GRIK4: variants seen among roughly 807,000 people sequenced by gnomAD.
GRIK4 encodes glutamate receptor ionotropic, kainate 4.
A neutral mutation model predicts 104.9 loss-of-function variants in GRIK4; 40 were observed. The observed-to-expected ratio is 0.38, with a 90% CI of 0.30 to 0.50. GRIK4 has a LOEUF of 0.50. Among genes scored for constraint, GRIK4 ranks in the 20% least tolerant of loss-of-function variants. The pLI, the probability that GRIK4 is intolerant of heterozygous loss-of-function variation, is 0.93. For synonymous variants in GRIK4, 485 were observed against 524.9 expected, an observed-to-expected ratio of 0.92 and a Z score of 1.04; for missense variants, 1,047 against 1,308.1, an observed-to-expected ratio of 0.80 and a Z score of 3.08.
chr11:120,986,307 A>C lies in GRIK4; in HGVS notation c.*47A>C, dbSNP rs1236917357. The C allele has an allele frequency of 7.5e-6, 4 of 536,700 alleles. No individual in the cohort carries two copies. Among genetic ancestry groups the C allele is most frequent in the Admixed American group, 4.6e-5 (1 of 21,716 alleles). 33.2% of individuals were successfully genotyped at this position (536,700 alleles called of 1,614,324 possible). On this transcript the variant is annotated 3_prime_UTR_variant, in exon 21 of 21. Transcript: ENST00000527524. Reference sequence around the variant, plus strand: ...CAGAGGCCGGGCGGGGCGGGAGGGGAGGGGCGGGGCGGGCGCTGCTGTCAG... The same window carrying C: ...CAGAGGCCGGGCGGGGCGGGAGGGGCGGGGCGGGGCGGGCGCTGCTGTCAG...
intron 8 of GRIK4, among the ~76,000 whole-genome samples, chr11:120,848,009 G>A (rs1953891036): frequency 6.6e-6 from 1 of 152,202 alleles, no homozygotes; most frequent in African/African-American, 2.4e-5. Flanking sequence ...CGCTTCCAGT[G>A]CCAGCTAGGA....
intron 3 of GRIK4, among the ~76,000 whole-genome samples, chr11:120,678,093 C>T (rs1460801913): frequency 2.6e-5 from 4 of 152,178 alleles, no homozygotes; most frequent in African/African-American, 9.7e-5. Context: ...GTGCTCCCCT[C>T]TGCAGAGACC....
intron 3 of GRIK4, among the ~76,000 whole-genome samples, chr11:120,728,926 AG>A (rs1753797308): frequency 6.6e-6 from 1 of 152,108 alleles, no homozygotes; most frequent in South Asian, 2.1e-4. Flanking sequence ...TACCCTTCCT[AG>A]CCTCTGGTAA....
At chr11:120,763,835 G>T (rs1951789550) in intron 3 of GRIK4, among the ~76,000 whole-genome samples, 1 of 152,082 alleles carries the variant, frequency 6.6e-6, no homozygotes, top group Admixed American at 6.6e-5. Context: ...CCATTCTTTT[G>T]CATTTGCTGA....
At chr11:120,620,124 GGC>G (rs1949167334) in intron 1 of GRIK4, 1 of 794,752 alleles carries the variant, frequency 1.3e-6, no homozygotes, top group Admixed American at 1.7e-5. Flanking sequence ...AATTGACCTG[GGC>G]CACTCAACAT....
At position 120,939,628 on chromosome 11, in the gene GRIK4, T is replaced by C. The variant is rs1036546724; in HGVS notation, c.1477-719T>C. Reference sequence around the variant, plus strand: ...TCATTGTAGCCCCTTCAGCAAAGTTTCTTACACACCATAAGCAGTCAGTGG... The same window carrying C: ...TCATTGTAGCCCCTTCAGCAAAGTTCCTTACACACCATAAGCAGTCAGTGG... On this transcript the variant is annotated intron_variant, in intron 13 of 20. Coordinates refer to ENST00000527524, the MANE Select transcript of GRIK4 (RefSeq NM_014619.5). The surrounding 1 kb of genome is among the most constrained non-coding windows in gnomAD (Gnocchi z 5.6). 6.6e-6 allele frequency among the ~76,000 whole-genome samples: 1 copy of C among 152,218 alleles called. No individual in the cohort carries two copies. Among genetic ancestry groups the C allele is most frequent in the Non-Finnish European group, 1.5e-5 (1 of 68,034 alleles).
chr11:120,515,296 C>G (rs1947712397), intron 1 of GRIK4, among the ~76,000 whole-genome samples: 1 of 152,206 alleles, frequency 6.6e-6, no homozygotes, highest in African/African-American at 2.4e-5. Context: ...TCACATCACT[C>G]CCTGCATGAC....
At chr11:120,871,327 G>A (rs762255643) in intron 9 of GRIK4, 1 of 289,300 alleles carries the variant, frequency 3.5e-6, no homozygotes, top group South Asian at 3.6e-5. Context: ...AGGGGAAAGC[G>A]AGTTACATGG....
At chr11:120,605,788 A>G (rs1948952562) in intron 1 of GRIK4, among the ~76,000 whole-genome samples, 1 of 152,230 alleles carries the variant, frequency 6.6e-6, no homozygotes, top group Admixed American at 6.5e-5. Context: ...GGCCTGGTGC[A>G]AGAGGGATCA....
At chr11:120,666,354 C>G (rs965579383) in intron 3 of GRIK4, among the ~76,000 whole-genome samples, 1 of 152,138 alleles carries the variant, frequency 6.6e-6, no homozygotes, top group Non-Finnish European at 1.5e-5. Flanking sequence ...CTGAGGACAG[C>G]GTTGGGACAG....
rs574011208 is a variant in GRIK4, at chr11:120,524,219, C to G, written c.-159+12332C>G. ...GGATTAGCGGCGTGAGCCACCGCGT[C>G]TGGCCGTTTCTGCATTCTTTCCCCA... is the stretch of plus-strand genomic sequence containing the variant. On this transcript the variant is annotated intron_variant, in intron 1 of 20. Coordinates refer to ENST00000527524, the MANE Select transcript of GRIK4 (RefSeq NM_014619.5). This position sits in a 1 kb window ranked among gnomAD's most constrained non-coding sequence, Gnocchi z 4.5. 3.7e-4 allele frequency among the ~76,000 whole-genome samples: 57 copies of G among 152,342 alleles called. No individual in the cohort carries two copies. The highest frequency in any genetic ancestry group is 1.3e-3 in the African/African-American group (55 of 41,584).
At chr11:120,741,248 G>T (rs1044453545) in intron 3 of GRIK4, among the ~76,000 whole-genome samples, 2 of 150,626 alleles carry the variant, frequency 1.3e-5, no homozygotes, top group Non-Finnish European at 3.0e-5. Context: ...ACACAGCTGA[G>T]AAGTGGCAGA....
rs111525029 is a variant in GRIK4 at position 120,952,791 on chromosome 11, G to A, written c.1591-64G>A. On this transcript the variant is annotated intron_variant, in intron 14 of 20. Coordinates refer to ENST00000527524, the MANE Select transcript of GRIK4 (RefSeq NM_014619.5). The surrounding 1 kb of genome is among the most constrained non-coding windows in gnomAD (Gnocchi z 5.2). The stretch of plus-strand genomic sequence containing the variant: ...CTCACTACCTCCTCTACCCCGCCCT[G>A]CCTGCCCCAAGGTCATGTTGACTGA... The A allele has an allele frequency of 7.7e-4, 864 of 1,126,144 alleles. 1 individual carries two copies. The highest frequency in any genetic ancestry group is 6.3e-3 in the African/African-American group (419 of 66,258). The allele number at this position is 1,126,144 out of a possible 1,614,324, so 69.8% of individuals were successfully genotyped here.
intron 8 of GRIK4, among the ~76,000 whole-genome samples, chr11:120,850,960 G>A (rs144141338): frequency 6.6e-6 from 1 of 152,118 alleles, no homozygotes; most frequent in African/African-American, 2.4e-5. Flanking sequence ...CAACAGCTCC[G>A]TAAATCACCA....
At chr11:120,739,066 C>A (rs574047736) in intron 3 of GRIK4, among the ~76,000 whole-genome samples, 1 of 152,194 alleles carries the variant, frequency 6.6e-6, no homozygotes, top group Non-Finnish European at 1.5e-5. Flanking sequence ...ATAAAAAGAG[C>A]ATTTGTAGCC....
At chr11:120,913,262 T>C (rs1431692347) in intron 13 of GRIK4, among the ~76,000 whole-genome samples, 2 of 152,070 alleles carry the variant, frequency 1.3e-5, no homozygotes, top group East Asian at 1.9e-4. Context: ...GCAGCCACAA[T>C]TGGCATTCAC....
chr11:120,537,861 AAAAG>A (rs1417424812), intron 1 of GRIK4, among the ~76,000 whole-genome samples: 8 of 152,116 alleles, frequency 5.3e-5, no homozygotes, highest in Non-Finnish European at 7.4e-5. Context: ...AAAAAAAAAA[AAAAG>A]AAACCAACAA....
intron 1 of GRIK4, among the ~76,000 whole-genome samples, chr11:120,561,552 C>T (rs920896090): frequency 2.0e-5 from 3 of 152,246 alleles, no homozygotes; most frequent in South Asian, 2.1e-4. Context: ...TGCAGGCATA[C>T]CCCCGCTCCA....
intron 3 of GRIK4, among the ~76,000 whole-genome samples, chr11:120,760,359 G>T (rs1400523515): frequency 6.9e-6 from 1 of 144,350 alleles, no homozygotes; most frequent in Non-Finnish European, 1.5e-5. Flanking sequence ...TACACACAAT[G>T]GAATATTTTA....
Sources: allele counts gnomAD v4.1 joint callset (sites outside exome capture counted in the v4.1 genomes callset), GRCh38; gene constraint gnomAD v4.1.1; non-coding constraint Gnocchi (gnomAD v3.1); transcripts MANE v1.5; gene names NCBI Gene and HGNC (gene_info 2026-07-23, HGNC 2026-07-21).